TSPAN5: variants seen among roughly 807,000 people sequenced by gnomAD.
The protein encoded by TSPAN5 is tetraspanin-5.
In TSPAN5, 10 loss-of-function variants were observed where a neutral mutation model predicts 37.1. The observed-to-expected ratio is 0.27, with a 90% CI of 0.17 to 0.46. The LOEUF (loss-of-function observed/expected upper bound fraction) is 0.46. Ranked by LOEUF, TSPAN5 falls within the 20% of genes least tolerant of loss-of-function variation. The pLI, the probability that TSPAN5 is intolerant of heterozygous loss-of-function variation, is 1.00. For missense variants in TSPAN5, 195 were observed against 326.6 expected (o/e 0.60, Z 3.11); for synonymous variants, 110 against 118.9 (o/e 0.93, Z 0.48).
At chr4:98,493,439 G>C (rs965974671) in intron 2 of TSPAN5, among the ~76,000 whole-genome samples, 1 of 152,188 alleles carries the variant, frequency 6.6e-6, no homozygotes, top group African/African-American at 2.4e-5. Flanking sequence ...TGAGTGAGAA[G>C]CAGAGTAACG....
At chr4:98,558,136 A>G (rs1364304344) in intron 1 of TSPAN5, among the ~76,000 whole-genome samples, 1 of 152,204 alleles carries the variant, frequency 6.6e-6, no homozygotes, top group East Asian at 1.9e-4. Context: ...GGTGTTAGAA[A>G]TACTTGTTCC....
chr4:98,592,543 G>A (rs1192539861), intron 1 of TSPAN5, among the ~76,000 whole-genome samples: 1 of 144,792 alleles, frequency 6.9e-6, no homozygotes, highest in Non-Finnish European at 1.5e-5. Context: ...CCACTAATGT[G>A]TCGTCTAGCA....
chr4:98,556,828 T>C, intron 1 of TSPAN5, among the ~76,000 whole-genome samples: 1 of 152,214 alleles, frequency 6.6e-6, no homozygotes, highest in Non-Finnish European at 1.5e-5. Context: ...GTCCAATTAT[T>C]ATCATTCTTT....
intron 1 of TSPAN5, among the ~76,000 whole-genome samples, chr4:98,561,245 G>A (rs1754876923): frequency 6.6e-6 from 1 of 152,232 alleles, no homozygotes; most frequent in Non-Finnish European, 1.5e-5. Flanking sequence ...GAAAGGGCCT[G>A]GGCCTATACA....
At chr4:98,592,419 C>CTCTTT (rs1483769288) in intron 1 of TSPAN5, among the ~76,000 whole-genome samples, 1 of 108,236 alleles carries the variant, frequency 9.2e-6, no homozygotes, top group African/African-American at 4.4e-5. Flanking sequence ...TAAGGGATCT[C>CTCTTT]TGTTTTTTGT....
intron 1 of TSPAN5, among the ~76,000 whole-genome samples, chr4:98,632,829 T>C (rs1410694642): frequency 6.6e-6 from 1 of 152,026 alleles, no homozygotes; most frequent in Non-Finnish European, 1.5e-5. Flanking sequence ...GAGAAGGGAA[T>C]AAGGCTGCAG....
chr4:98,512,038 C>T (rs1455823057), intron 1 of TSPAN5, among the ~76,000 whole-genome samples: 3 of 152,100 alleles, frequency 2.0e-5, no homozygotes, highest in Non-Finnish European at 4.4e-5. Context: ...CATGGTAAAA[C>T]CCCGTCTCTA....
intron 1 of TSPAN5, among the ~76,000 whole-genome samples, chr4:98,542,719 TAAAA>T (rs11326064): frequency 1.3e-4 from 13 of 101,784 alleles, no homozygotes; most frequent in African/African-American, 3.1e-4. Context: ...CTCATCTCTT[TAAAA>T]AAAAAAAAAA....
At chr4:98,492,619 G>A (rs1753109236) in intron 2 of TSPAN5, among the ~76,000 whole-genome samples, 1 of 152,188 alleles carries the variant, frequency 6.6e-6, no homozygotes, top group Non-Finnish European at 1.5e-5. Flanking sequence ...GGGAAAAAAT[G>A]TGGGTATAGG....
At position 98,658,209 on chromosome 4, in the gene TSPAN5, G is replaced by A; in HGVS notation, c.18C>T (p.Tyr6=). MSGKH[Y]KGPEVSCCIK... ...TGCAACAACTGACTTCAGGACCCTTGTAGTGCTTCCCGGACATCCTCTGGG... is the reference window on the plus strand; with the variant it reads ...TGCAACAACTGACTTCAGGACCCTTATAGTGCTTCCCGGACATCCTCTGGG... The change falls in exon 1 of 8, where the codon TAC becomes TAT. Residue 6 remains tyrosine (Y), a synonymous_variant. Coordinates refer to ENST00000305798, the MANE Select transcript of TSPAN5 (RefSeq NM_005723.4). 1 of 1,614,140 alleles carries A rather than the reference G, an allele frequency of 6.2e-7. No homozygotes were observed. The highest frequency in any genetic ancestry group is 1.3e-5 in the African/African-American group (1 of 75,068).
intron 1 of TSPAN5, among the ~76,000 whole-genome samples, chr4:98,639,847 T>C (rs1756927099): frequency 6.6e-6 from 1 of 152,194 alleles, no homozygotes; most frequent in African/African-American, 2.4e-5. Context: ...GTCAAAACAT[T>C]GTTCCAGAAA....
chr4:98,580,780 T>C (rs1309536833), intron 1 of TSPAN5, among the ~76,000 whole-genome samples: 3 of 152,186 alleles, frequency 2.0e-5, no homozygotes, highest in Non-Finnish European at 4.4e-5. Flanking sequence ...TGAGACTATT[T>C]ATAATGTCAG....
intron 3 of TSPAN5, 95 bp downstream of exon 3, chr4:98,486,643 G>T: frequency 6.9e-7 from 1 of 1,452,402 alleles, no homozygotes; most frequent in Non-Finnish European, 9.6e-7. Flanking sequence ...CAGTGCCTTT[G>T]GTACAGCTCA....
chr4:98,553,486 TA>T (rs1754667052), intron 1 of TSPAN5, among the ~76,000 whole-genome samples: 1 of 152,210 alleles, frequency 6.6e-6, no homozygotes, highest in Non-Finnish European at 1.5e-5. Context: ...AATGAGCTTT[TA>T]AAAATAAAAG....
chr4:98,620,581 T>C (rs1269687944), intron 1 of TSPAN5, among the ~76,000 whole-genome samples: 1 of 152,210 alleles, frequency 6.6e-6, no homozygotes, highest in Non-Finnish European at 1.5e-5. Context: ...GTGCTGCATA[T>C]AACAGAGGCT....
At chr4:98,551,761 A>G (rs1022235626) in intron 1 of TSPAN5, among the ~76,000 whole-genome samples, 2 of 151,786 alleles carry the variant, frequency 1.3e-5, no homozygotes, top group Admixed American at 6.6e-5. Context: ...CGGCCTCCCA[A>G]AGTGCTGGGA....
At chr4:98,612,211 G>T (rs60799211) in intron 1 of TSPAN5, among the ~76,000 whole-genome samples, 1 of 151,978 alleles carries the variant, frequency 6.6e-6, no homozygotes, top group Non-Finnish European at 1.5e-5. Context: ...GAAGAGGAGG[G>T]GGAGGAGGAT....
chr4:98,475,710 C>T (rs572507827), intron 7 of TSPAN5, among the ~76,000 whole-genome samples: 1 of 152,298 alleles, frequency 6.6e-6, no homozygotes, highest in Non-Finnish European at 1.5e-5. Context: ...ACAAATCAGG[C>T]CAGGCACGGT....
intron 1 of TSPAN5, among the ~76,000 whole-genome samples, chr4:98,591,782 G>C (rs972138328): frequency 1.3e-5 from 2 of 150,222 alleles, no homozygotes; most frequent in African/African-American, 4.9e-5. Flanking sequence ...CATGCATTAC[G>C]TTCCCATTAG....
Sources: gnomAD v4.1 joint callset for allele counts (sites outside exome capture counted in the v4.1 genomes callset) on GRCh38, gnomAD v4.1.1 for gene constraint, MANE v1.5 for transcripts, NCBI Gene and HGNC (gene_info 2026-07-23, HGNC 2026-07-21) for gene names.